DISP1: variants seen among roughly 807,000 people sequenced by gnomAD.
DISP1 encodes the protein dispatched RND transporter family member 1, also known as protein dispatched homolog 1.
Under a neutral mutation model 37.3 loss-of-function variants are expected in DISP1, and 30 were observed. The observed-to-expected ratio is 0.80, with a 90% CI of 0.60 to 1.09. The LOEUF (loss-of-function observed/expected upper bound fraction) is 1.09. DISP1 is among the 50% of genes least tolerant of loss of function. The probability of loss-of-function intolerance (pLI) is 0.00; values close to 1 mark genes in which losing one functional copy is unlikely to be tolerated. For synonymous variants in DISP1, 634 were observed against 690.2 expected (o/e 0.92, Z 1.28); for missense variants, 1,598 against 1,879.5 (o/e 0.85, Z 2.77).
chr1:222,994,710 CT>C (rs778205175), intron 7 of DISP1, among the ~76,000 whole-genome samples, 174 bp from the exon 8 acceptor site: 34 of 148,694 alleles, frequency 2.3e-4, no homozygotes, highest in African/African-American at 6.4e-4. Context: ...TATGGCATTG[CT>C]TTTTTTTTTC....
chr1:222,831,879 CTG>C (rs1665844451), intron 1 of DISP1, among the ~76,000 whole-genome samples: 1 of 152,110 alleles, frequency 6.6e-6, no homozygotes, highest in Non-Finnish European at 1.5e-5. Flanking sequence ...TGAGAAAACT[CTG>C]AAGTTTGTGA....
At chr1:222,885,999 G>C (rs61840286) in intron 1 of DISP1, among the ~76,000 whole-genome samples, 1 of 151,818 alleles carries the variant, frequency 6.6e-6, no homozygotes. Context: ...ATGTGAATAA[G>C]TTTGAAAACT....
chr1:222,853,683 A>G (rs1668394909), intron 1 of DISP1, among the ~76,000 whole-genome samples: 1 of 152,174 alleles, frequency 6.6e-6, no homozygotes, highest in Non-Finnish European at 1.5e-5. Context: ...TGTGGAAGCT[A>G]AAAAAGTTGA....
At chr1:222,848,258 G>A (rs532090095) in intron 1 of DISP1, among the ~76,000 whole-genome samples, 8 of 151,880 alleles carry the variant, frequency 5.3e-5, no homozygotes, top group African/African-American at 1.9e-4. Context: ...AGTATTTATC[G>A]CCTAGAGTGA....
chr1:222,829,831 G>A (rs983793193), intron 1 of DISP1, among the ~76,000 whole-genome samples: 1 of 152,038 alleles, frequency 6.6e-6, no homozygotes, highest in East Asian at 1.9e-4. Context: ...GGATACATGT[G>A]TTGTGTTTTG....
At chr1:222,948,782 A>G (rs570491671) in intron 3 of DISP1, among the ~76,000 whole-genome samples, 13 of 152,342 alleles carry the variant, frequency 8.5e-5, no homozygotes, top group African/African-American at 2.9e-4. Flanking sequence ...ATGGTGATGG[A>G]AGATCCTAAG....
intron 1 of DISP1, among the ~76,000 whole-genome samples, chr1:222,832,357 A>G (rs1189576226): frequency 6.6e-6 from 1 of 152,112 alleles, no homozygotes; most frequent in Non-Finnish European, 1.5e-5. Context: ...TGTGATGATA[A>G]ATTTGTTAAA....
At chr1:222,865,583 A>G (rs1301888707) in intron 1 of DISP1, among the ~76,000 whole-genome samples, 1 of 152,216 alleles carries the variant, frequency 6.6e-6, no homozygotes, top group Admixed American at 6.5e-5. Context: ...TTTTAAAAGC[A>G]AAGTTCTGTA....
At chr1:222,872,711 T>C (rs1424796682) in intron 1 of DISP1, among the ~76,000 whole-genome samples, 1 of 152,258 alleles carries the variant, frequency 6.6e-6, no homozygotes, top group East Asian at 1.9e-4. Context: ...TTTGTTGATC[T>C]TTTCAAAAAA....
intron 1 of DISP1, among the ~76,000 whole-genome samples, chr1:222,866,888 A>G (rs748155097): frequency 1.3e-5 from 2 of 152,146 alleles, no homozygotes; most frequent in Non-Finnish European, 2.9e-5. Flanking sequence ...AAATACATCA[A>G]TCTTTTAAAA....
At chr1:222,949,835 C>T (rs1330348088) in intron 3 of DISP1, among the ~76,000 whole-genome samples, 2 of 152,104 alleles carry the variant, frequency 1.3e-5, no homozygotes, top group Admixed American at 1.3e-4. Context: ...CCATGTTGAC[C>T]AGGCTGGTCT....
At chr1:222,970,985 G>A (rs535510814) in intron 3 of DISP1, among the ~76,000 whole-genome samples, 14 of 152,110 alleles carry the variant, frequency 9.2e-5, no homozygotes, top group Admixed American at 2.6e-4. Context: ...CCTACTTTTC[G>A]TCAGAAAAGT....
chr1:222,975,690 A>G (rs1373943926), intron 3 of DISP1, among the ~76,000 whole-genome samples: 1 of 152,062 alleles, frequency 6.6e-6, no homozygotes, highest in Non-Finnish European at 1.5e-5. Flanking sequence ...CTTGACTGAT[A>G]CATGTACACA....
intron 1 of DISP1, among the ~76,000 whole-genome samples, chr1:222,895,684 G>T (rs1671210781): frequency 1.3e-5 from 2 of 152,188 alleles, no homozygotes; most frequent in African/African-American, 4.8e-5. Context: ...TTTCAGCAAA[G>T]GTGCCAAGGT....
At chr1:222,936,769 T>TATATATC (rs1558339649) in intron 2 of DISP1, among the ~76,000 whole-genome samples, 53 of 61,156 alleles carry the variant, frequency 8.7e-4, no homozygotes, top group African/African-American at 1.4e-3. Context: ...ATATAAAAAT[T>TATATATC]ATATATATCA....
intron 3 of DISP1, among the ~76,000 whole-genome samples, chr1:222,957,735 G>C (rs886369840): frequency 6.6e-6 from 1 of 152,028 alleles, no homozygotes; most frequent in Admixed American, 6.6e-5. Flanking sequence ...AGAAAATGAC[G>C]CCTCAAGATC....
At chr1:222,839,706 G>A (rs538265480) in intron 1 of DISP1, among the ~76,000 whole-genome samples, 25 of 152,124 alleles carry the variant, frequency 1.6e-4, no homozygotes, top group African/African-American at 4.1e-4. Flanking sequence ...AGGCTGAGGC[G>A]GGTGGATCAT....
Position 222,989,540 on chromosome 1 carries a change from G to T in DISP1, c.540-1085G>T, listed in dbSNP as rs1678531353. 4 of 985,312 alleles carry T rather than the reference G, an allele frequency of 4.1e-6. No homozygotes were observed. In the African/African-American group the frequency reaches 5.2e-5, roughly 13 times the overall value. The allele number at this position is 985,312 out of a possible 1,614,324, so 61.0% of individuals were successfully genotyped here. On this transcript the variant is annotated intron_variant, in intron 4 of 8. Transcript: ENST00000675850. ...TCAATTTGAGGTAACAAATGAGGGT[G>T]TGGGAAGCGCATCTGGAAGAAAGGG...
chr1:222,834,027 T>C (rs1056476384), intron 1 of DISP1, among the ~76,000 whole-genome samples: 2 of 152,188 alleles, frequency 1.3e-5, no homozygotes, highest in African/African-American at 4.8e-5. Flanking sequence ...GTGTCTTAAG[T>C]ATCATTTGGA....
Sources: allele counts gnomAD v4.1 joint callset (sites outside exome capture counted in the v4.1 genomes callset), GRCh38; gene constraint gnomAD v4.1.1; transcripts MANE v1.5; gene names NCBI Gene and HGNC (gene_info 2026-07-23, HGNC 2026-07-21).